Variants in ACTR2 observed in about 807,000 individuals in gnomAD.
The protein encoded by ACTR2 is actin related protein 2.
Under a neutral mutation model 50.2 loss-of-function variants are expected in ACTR2, and 5 were observed. The observed-to-expected ratio is 0.10, with a 90% CI of 0.05 to 0.21. ACTR2 has a LOEUF of 0.21. ACTR2 is among the 10% of genes least tolerant of loss of function. The pLI, the probability that ACTR2 is intolerant of heterozygous loss-of-function variation, is 1.00. For synonymous variants in ACTR2, 140 were observed against 162.9 expected (o/e 0.86, Z 1.07); for missense variants, 180 against 480.6 (o/e 0.37, Z 5.85).
chr2:65,267,186 T>A (rs946759717), intron 8 of ACTR2, among the ~76,000 whole-genome samples: 5 of 152,184 alleles, frequency 3.3e-5, no homozygotes, highest in Non-Finnish European at 7.3e-5. Context: ...TTGTTTTTTT[T>A]AAGTTTTATT....
In ACTR2 at chr2:65,231,092, T is replaced by A. The variant is rs180928516; in HGVS notation, c.48+3135T>A. Among the ~76,000 whole-genome samples the A allele has an allele frequency of 9.9e-5, 15 of 152,014 alleles. No individual in the cohort carries two copies. The East Asian group carries it at 2.9e-3, about 29-fold the overall frequency. On this transcript the variant is annotated intron_variant, in intron 1 of 8. Transcript: ENST00000260641. ...CTGATTGTAGTATGTTATTGATTAG[T>A]CTTGTGTCTAATCCATGTTTTTAAG...
intron 1 of ACTR2, among the ~76,000 whole-genome samples, chr2:65,231,232 C>G (rs1237377164): frequency 6.6e-6 from 1 of 152,042 alleles, no homozygotes; most frequent in Non-Finnish European, 1.5e-5. Context: ...AAATTTTATG[C>G]AGATTTTCTA....
chr2:65,256,112 G>A (rs562081996), intron 6 of ACTR2, among the ~76,000 whole-genome samples: 5 of 152,132 alleles, frequency 3.3e-5, no homozygotes, highest in African/African-American at 9.7e-5. Context: ...AGAGCCTTTG[G>A]TATGCTAATA....
intron 2 of ACTR2, among the ~76,000 whole-genome samples, chr2:65,243,465 A>G (rs145963675): frequency 1.2e-3 from 186 of 152,192 alleles, no homozygotes; most frequent in African/African-American, 2.9e-3. Flanking sequence ...CCCTGTCTCT[A>G]TAGAAAGTTT....
At chr2:65,234,419 A>G (rs771027587) in intron 1 of ACTR2, among the ~76,000 whole-genome samples, 32 of 152,208 alleles carry the variant, frequency 2.1e-4, no homozygotes, top group Non-Finnish European at 4.1e-4. Flanking sequence ...AATTTGAATG[A>G]AAAGTCTTTT....
chr2:65,229,255 C>T (rs562154795), intron 1 of ACTR2, among the ~76,000 whole-genome samples: 1 of 152,190 alleles, frequency 6.6e-6, no homozygotes, highest in East Asian at 1.9e-4. Context: ...AGTTTTCTCC[C>T]CTCCCTCCCA....
intron 6 of ACTR2, among the ~76,000 whole-genome samples, chr2:65,257,981 C>CA (rs1483947722): frequency 6.6e-6 from 1 of 152,156 alleles, no homozygotes; most frequent in Non-Finnish European, 1.5e-5. Context: ...GCTTTTGTTG[C>CA]AATTGCTTTT....
chr2:65,242,159 G>C (rs1270945678), intron 2 of ACTR2: 1 of 822,478 alleles, frequency 1.2e-6, no homozygotes, highest in Admixed American at 2.1e-5. Flanking sequence ...GGGGAGGGGG[G>C]GTTATTTCCA....
chr2:65,266,218 G>A (rs1672370504), intron 8 of ACTR2, among the ~76,000 whole-genome samples: 1 of 152,216 alleles, frequency 6.6e-6, no homozygotes. Flanking sequence ...ATGAAGAAAA[G>A]TAAGGTGAAG....
chr2:65,256,952 A>AT (rs1672161666), intron 6 of ACTR2, among the ~76,000 whole-genome samples: 1 of 151,182 alleles, frequency 6.6e-6, no homozygotes, highest in Non-Finnish European at 1.5e-5. Flanking sequence ...TTTTAAATTT[A>AT]TTTTTTATTA....
chr2:65,241,015 A>G (rs1276438273), intron 2 of ACTR2, among the ~76,000 whole-genome samples: 2 of 151,480 alleles, frequency 1.3e-5, no homozygotes, highest in African/African-American at 2.4e-5. Context: ...TTTTTTTTTC[A>G]GAGTTAAAGT....
At chr2:65,244,568 A>T (rs1292443304) in intron 2 of ACTR2, among the ~76,000 whole-genome samples, 1 of 152,218 alleles carries the variant, frequency 6.6e-6, no homozygotes, top group East Asian at 1.9e-4. Flanking sequence ...AGATACCAGT[A>T]TACTTCTCCC....
chr2:65,237,319 A>G (rs1263644795), intron 1 of ACTR2, among the ~76,000 whole-genome samples: 1 of 152,066 alleles, frequency 6.6e-6, no homozygotes, highest in Non-Finnish European at 1.5e-5. Flanking sequence ...CGGCAGCCTT[A>G]ACCTCCCAGG....
At chr2:65,262,756 A>C (rs934861527) in intron 7 of ACTR2, among the ~76,000 whole-genome samples, 22 of 152,060 alleles carry the variant, frequency 1.4e-4, no homozygotes, top group African/African-American at 7.2e-5. Context: ...TAGGAGTTTA[A>C]GACCAGCCTG....
intron 6 of ACTR2, among the ~76,000 whole-genome samples, chr2:65,258,334 G>C (rs1672192351): frequency 1.3e-5 from 2 of 152,132 alleles, no homozygotes; most frequent in African/African-American, 2.4e-5. Flanking sequence ...CCAGCACTTT[G>C]GGAGGCTGAG....
intron 3 of ACTR2, among the ~76,000 whole-genome samples, chr2:65,248,692 A>G (rs895368628): frequency 6.6e-6 from 1 of 152,152 alleles, no homozygotes; most frequent in Admixed American, 6.6e-5. Flanking sequence ...GAAAAGGCCA[A>G]GGACCAGAGA....
At chr2:65,260,495 ACT>A (rs1477301837) in intron 6 of ACTR2, among the ~76,000 whole-genome samples, 1 of 152,112 alleles carries the variant, frequency 6.6e-6, no homozygotes, top group East Asian at 1.9e-4. Context: ...GACAAGAGAA[ACT>A]CTGTCTCAAT....
At chr2:65,249,447 A>G (rs1672004197) in intron 3 of ACTR2, among the ~76,000 whole-genome samples, 1 of 152,192 alleles carries the variant, frequency 6.6e-6, no homozygotes, top group Admixed American at 6.5e-5. Flanking sequence ...TCTCATTAAC[A>G]TGCTTTCACA....
At chr2:65,238,179 A>G (rs1168646324) in intron 1 of ACTR2, among the ~76,000 whole-genome samples, 3 of 152,018 alleles carry the variant, frequency 2.0e-5, no homozygotes, top group Non-Finnish European at 4.4e-5. Flanking sequence ...AATTTTAAAT[A>G]TTTTTTAAAT....
Sources: gnomAD v4.1 joint callset for allele counts (sites outside exome capture counted in the v4.1 genomes callset) on GRCh38, gnomAD v4.1.1 for gene constraint, MANE v1.5 for transcripts, NCBI Gene and HGNC (gene_info 2026-07-23, HGNC 2026-07-21) for gene names.